Variants in OPHN1 observed in about 807,000 individuals in gnomAD.
OPHN1 encodes the protein oligophrenin 1.
In OPHN1, 11 loss-of-function variants were observed where a neutral mutation model predicts 60.7. That is an observed-to-expected ratio of 0.18 (90% confidence interval 0.11 to 0.30). The LOEUF (loss-of-function observed/expected upper bound fraction) is 0.30, where lower values mean the gene tolerates loss of function less well. OPHN1 is among the 10% of genes least tolerant of loss of function. The pLI, the probability that OPHN1 is intolerant of heterozygous loss-of-function variation, is 1.00. For missense variants in OPHN1, 449 were observed against 611.0 expected (o/e 0.73, Z 2.80); for synonymous variants, 226 against 222.6 (o/e 1.02, Z -0.14).
intron 3 of OPHN1, among the ~76,000 whole-genome samples, chrX:68,288,336 C>A (rs1199047433): frequency 8.9e-6 from 1 of 111,792 alleles, no homozygotes; most frequent in Non-Finnish European, 1.9e-5. Flanking sequence ...TATCTACAGT[C>A]CCCAGTCATA....
At chrX:68,362,388 G>T (rs756622403) in intron 2 of OPHN1, among the ~76,000 whole-genome samples, 2 of 111,826 alleles carry the variant, frequency 1.8e-5, no homozygotes, top group Admixed American at 9.6e-5. Flanking sequence ...GAAGATGCTG[G>T]TCAAAGGACA....
chrX:68,336,648 G>A (rs1238108901), intron 2 of OPHN1, among the ~76,000 whole-genome samples: 4 of 99,141 alleles, frequency 4.0e-5, no homozygotes, highest in Non-Finnish European at 7.7e-5. Flanking sequence ...AACTCTATGT[G>A]TGTACGTGTG....
chrX:68,110,826 A>G (rs747525693), intron 18 of OPHN1, among the ~76,000 whole-genome samples: 2 of 112,072 alleles, frequency 1.8e-5, no homozygotes, highest in Non-Finnish European at 3.8e-5. Flanking sequence ...CATTTGCTAT[A>G]GAAGTGTAGA....
intron 6 of OPHN1, 75 bp from the exon 7 acceptor site, chrX:68,214,047 A>G: frequency 1.6e-6 from 1 of 611,477 alleles, no homozygotes; most frequent in South Asian, 2.4e-5. Context: ...GATTGAACAG[A>G]ATGCTAGAGC....
chrX:68,190,267 G>A lies in OPHN1; in HGVS notation c.1276+2652C>T, dbSNP rs189579074. The stretch of plus-strand genomic sequence containing the variant: ...AGTAGAATGTAAGCCCCACAAAGGT[G>A]GAAAACACAGGGAATATGTTCACTT... On this transcript the variant is annotated intron_variant, in intron 15 of 24. Coordinates refer to ENST00000355520, the MANE Select transcript of OPHN1 (RefSeq NM_002547.3). Among the ~76,000 whole-genome samples the A allele has an allele frequency of 3.6e-5, 4 of 112,070 alleles. No individual in the cohort carries two copies. In the East Asian group the frequency reaches 1.1e-3, roughly 32 times the overall value.
At chrX:68,343,302 G>A (rs910318116) in intron 2 of OPHN1, among the ~76,000 whole-genome samples, 13 of 103,912 alleles carry the variant, frequency 1.3e-4, no homozygotes, top group Admixed American at 8.4e-4. Flanking sequence ...GGGGAGGGGC[G>A]CTGGGCATGG....
intron 2 of OPHN1, among the ~76,000 whole-genome samples, chrX:68,342,819 T>G (rs1374676028): frequency 9.0e-6 from 1 of 110,910 alleles, no homozygotes; most frequent in Non-Finnish European, 1.9e-5. Context: ...CACAAACCTG[T>G]AGTCCCAGCT....
chrX:68,418,333 A>G (rs777642812), intron 2 of OPHN1, among the ~76,000 whole-genome samples: 1 of 111,364 alleles, frequency 9.0e-6, no homozygotes, highest in Non-Finnish European at 1.9e-5. Context: ...AGGGAAAAGG[A>G]GATACTGGCA....
intron 2 of OPHN1, among the ~76,000 whole-genome samples, chrX:68,411,105 A>G (rs990572548): frequency 2.9e-5 from 3 of 104,569 alleles, no homozygotes; most frequent in African/African-American, 1.0e-4. Flanking sequence ...CATACAAAAT[A>G]TAAGAATTCA....
intron 18 of OPHN1, among the ~76,000 whole-genome samples, chrX:68,102,893 C>A (rs1279566468): frequency 9.0e-6 from 1 of 111,366 alleles, no homozygotes; most frequent in Non-Finnish European, 1.9e-5. Context: ...GATAGCCTAC[C>A]CACCAAAAAA....
chrX:68,170,496 G>A (rs932473865), intron 15 of OPHN1, among the ~76,000 whole-genome samples: 94 of 109,173 alleles, frequency 8.6e-4, no homozygotes, highest in African/African-American at 3.1e-3. Flanking sequence ...TGTTTATTGC[G>A]GCATTATTCA....
At chrX:68,191,000 A>C (rs1205342446) in intron 15 of OPHN1, among the ~76,000 whole-genome samples, 1 of 111,987 alleles carries the variant, frequency 8.9e-6, no homozygotes, top group African/African-American at 3.2e-5. Context: ...AACATCCTCA[A>C]ATGTGAGTAG....
intron 2 of OPHN1, among the ~76,000 whole-genome samples, chrX:68,383,036 A>G (rs1368782897): frequency 1.8e-5 from 2 of 111,226 alleles, no homozygotes; most frequent in Admixed American, 1.9e-4. Context: ...TGAAAATGCT[A>G]CTGAGGCCAA....
intron 2 of OPHN1, among the ~76,000 whole-genome samples, chrX:68,303,817 C>T (rs1005041612): frequency 7.2e-5 from 8 of 110,792 alleles, no homozygotes; most frequent in African/African-American, 2.3e-4. Flanking sequence ...CATGCTCTTA[C>T]TCGTATGTGA....
At chrX:68,404,213 G>A (rs1386565546) in intron 2 of OPHN1, among the ~76,000 whole-genome samples, 1 of 107,427 alleles carries the variant, frequency 9.3e-6, no homozygotes, top group Non-Finnish European at 1.9e-5. Flanking sequence ...AGTCTGGAGT[G>A]CAGTGGCATG....
intron 24 of OPHN1, among the ~76,000 whole-genome samples, chrX:68,048,080 G>A (rs2076838136): frequency 9.0e-6 from 1 of 111,696 alleles, no homozygotes; most frequent in South Asian, 3.8e-4. Flanking sequence ...TTTAGAAACT[G>A]GGAAACTGAG....
chrX:68,394,017 T>TC (rs2078669907), intron 2 of OPHN1, among the ~76,000 whole-genome samples: 1 of 99,340 alleles, frequency 1.0e-5, no homozygotes, highest in African/African-American at 3.6e-5. Flanking sequence ...TGCCTCAGCC[T>TC]CCCGAGTAGC....
intron 2 of OPHN1, among the ~76,000 whole-genome samples, chrX:68,394,031 G>T (rs1399650146): frequency 5.5e-4 from 54 of 97,827 alleles, no homozygotes; most frequent in African/African-American, 5.8e-4. Context: ...GAGTAGCTGG[G>T]ACTACAGGCG....
At chrX:68,165,152 CTT>C (rs1374703424) in intron 15 of OPHN1, among the ~76,000 whole-genome samples, 1 of 111,925 alleles carries the variant, frequency 8.9e-6, no homozygotes, top group Non-Finnish European at 1.9e-5. Context: ...GGCTGTTGTT[CTT>C]TCTTATCATT....
Sources: allele counts gnomAD v4.1 joint callset (sites outside exome capture counted in the v4.1 genomes callset), GRCh38; gene constraint gnomAD v4.1.1; transcripts MANE v1.5; gene names NCBI Gene and HGNC (gene_info 2026-07-23, HGNC 2026-07-21).